Variants in TENM3 observed in about 807,000 individuals in gnomAD.
TENM3 encodes teneurin transmembrane protein 3.
Under a neutral mutation model 255.1 loss-of-function variants are expected in TENM3, and 63 were observed. That is an observed-to-expected ratio of 0.25 (90% confidence interval 0.20 to 0.30). The LOEUF is 0.30. Ranked by LOEUF, TENM3 falls within the 10% of genes least tolerant of loss-of-function variation. The probability of loss-of-function intolerance (pLI) is 1.00; values close to 1 mark genes in which losing one functional copy is unlikely to be tolerated. For synonymous variants in TENM3, 1,306 were observed against 1,322.3 expected, an observed-to-expected ratio of 0.99 and a Z score of 0.27; for missense variants, 2,929 against 3,461.1, an observed-to-expected ratio of 0.85 and a Z score of 3.86.
At chr4:182,328,228 G>A (rs1163216781) in intron 2 of TENM3, among the ~76,000 whole-genome samples, 8 of 151,942 alleles carry the variant, frequency 5.3e-5, no homozygotes, top group African/African-American at 1.5e-4. Context: ...TTTTGTTTTT[G>A]TTTTTGAGAT....
the TENM3 span, among the ~76,000 whole-genome samples, chr4:181,914,814 C>G: frequency 4.6e-5 from 7 of 152,086 alleles, no homozygotes; most frequent in Admixed American, 2.0e-4. Context: ...GACAAATTGT[C>G]AACTGAACCA....
In TENM3 at chr4:182,502,815, T is replaced by C. The variant is rs77933118; in HGVS notation, c.512-98109T>C. Among the ~76,000 whole-genome samples, 314 of 152,080 alleles carry C rather than the reference T, an allele frequency of 2.1e-3. 1 individual carries two copies. Among genetic ancestry groups the C allele is most frequent in the African/African-American group, 7.1e-3 (296 of 41,520 alleles). ...TCCTTGGTTATTCATGTGTATTAAA[T>C]TGTGGGATGCTAAGGGTTAATTTGT... is the stretch of plus-strand genomic sequence containing the variant. On this transcript the variant is annotated intron_variant, in intron 3 of 27. Coordinates refer to ENST00000511685, the MANE Select transcript of TENM3 (RefSeq NM_001080477.4).
the TENM3 span, among the ~76,000 whole-genome samples, chr4:181,950,377 A>G: frequency 6.6e-6 from 1 of 152,158 alleles, no homozygotes; most frequent in Non-Finnish European, 1.5e-5. Context: ...TGTTGCTCAC[A>G]CAAAGCCTGT....
At chr4:182,234,282 C>T (rs1756759820) in intron 1 of TENM3, among the ~76,000 whole-genome samples, 1 of 152,134 alleles carries the variant, frequency 6.6e-6, no homozygotes, top group South Asian at 2.1e-4. Flanking sequence ...AGGGAATAGT[C>T]GTACAGAGCA....
intron 1 of TENM3, among the ~76,000 whole-genome samples, chr4:182,182,034 T>C (rs1206376190): frequency 6.6e-6 from 1 of 152,152 alleles, no homozygotes; most frequent in Non-Finnish European, 1.5e-5. Context: ...TATAAGGAAA[T>C]TCTAGCATGC....
chr4:182,587,936 T>G (rs1264950071), intron 3 of TENM3, among the ~76,000 whole-genome samples: 1 of 152,100 alleles, frequency 6.6e-6, no homozygotes, highest in Non-Finnish European at 1.5e-5. Flanking sequence ...TATAAGATAG[T>G]ATGGTAGGGT....
chr4:181,691,843 T>G, the TENM3 span, among the ~76,000 whole-genome samples: 3 of 152,190 alleles, frequency 2.0e-5, no homozygotes, highest in African/African-American at 7.2e-5. Flanking sequence ...CTTTTCTGTC[T>G]TTCCCCACCC....
chr4:182,292,279 TG>T (rs1761179465), intron 1 of TENM3, among the ~76,000 whole-genome samples: 1 of 152,184 alleles, frequency 6.6e-6, no homozygotes, highest in Non-Finnish European at 1.5e-5. Context: ...GCCCCATGAT[TG>T]GGGTGATGTT....
intron 1 of TENM3, among the ~76,000 whole-genome samples, chr4:182,286,440 C>G (rs1760732799): frequency 6.6e-6 from 1 of 152,226 alleles, no homozygotes; most frequent in Admixed American, 6.5e-5. Flanking sequence ...CATACCCCTT[C>G]TTTGGTTTTC....
At chr4:182,227,506 G>A (rs866806077) in intron 1 of TENM3, among the ~76,000 whole-genome samples, 6 of 152,254 alleles carry the variant, frequency 3.9e-5, no homozygotes, top group Middle Eastern at 3.4e-3. Context: ...TTCCCAAACC[G>A]TAGGCGTCAG....
chr4:182,626,322 A>T (rs1332597298), intron 4 of TENM3, among the ~76,000 whole-genome samples: 2 of 152,222 alleles, frequency 1.3e-5, no homozygotes, highest in Non-Finnish European at 2.9e-5. Flanking sequence ...TTACATTTTG[A>T]ATTGGCATTT....
At chr4:182,163,450 G>A (rs901515777) in intron 1 of TENM3, among the ~76,000 whole-genome samples, 6 of 152,182 alleles carry the variant, frequency 3.9e-5, no homozygotes, top group African/African-American at 1.4e-4. Flanking sequence ...TTCCAAGCAC[G>A]AGGCGAGTCT....
the TENM3 span, among the ~76,000 whole-genome samples, chr4:181,960,258 T>A: frequency 2.1e-3 from 316 of 152,356 alleles, 1 homozygote; most frequent in Non-Finnish European, 3.5e-3. Flanking sequence ...AAAATGTTCC[T>A]GTTGATGGTA....
At chr4:181,499,663 C>G in the TENM3 span, among the ~76,000 whole-genome samples, 12 of 152,144 alleles carry the variant, frequency 7.9e-5, no homozygotes, top group East Asian at 2.3e-3. Flanking sequence ...TCACAGTGAC[C>G]CACAAGAAAT....
the TENM3 span, among the ~76,000 whole-genome samples, chr4:181,977,641 C>T: frequency 4.6e-5 from 7 of 152,268 alleles, no homozygotes; most frequent in East Asian, 1.4e-3. Flanking sequence ...GAGGCCTAGA[C>T]CCCTGGGTCT....
the TENM3 span, among the ~76,000 whole-genome samples, chr4:181,739,855 C>A: frequency 2.0e-5 from 3 of 152,086 alleles, no homozygotes; most frequent in African/African-American, 7.2e-5. Flanking sequence ...TAATCGCATT[C>A]TCTTCACAAT....
rs528511385 is a variant in TENM3 at position 182,193,435 on chromosome 4, C to G, written c.-76+48681C>G. Among the ~76,000 whole-genome samples the G allele has an allele frequency of 3.9e-5, 6 of 152,258 alleles. 1 individual carries two copies. The South Asian group carries it at 1.2e-3, about 31-fold the overall frequency. On this transcript the variant is annotated intron_variant, in intron 1 of 2. Coordinates refer to the TENM3 transcript ENST00000512480. ...GACTGCGAGCCTCTCTAATTCTTTC[C>G]AGTCTTTACATTTATTGGTTCTTTT...
the TENM3 span, among the ~76,000 whole-genome samples, chr4:181,726,780 C>T: frequency 6.6e-6 from 1 of 152,160 alleles, no homozygotes; most frequent in African/African-American, 2.4e-5. Flanking sequence ...TCCCAAAGAT[C>T]ACCCCCCACT....
chr4:181,585,245 A>G, the TENM3 span, among the ~76,000 whole-genome samples: 2 of 152,216 alleles, frequency 1.3e-5, no homozygotes, highest in Non-Finnish European at 2.9e-5. Context: ...ATTATAATTT[A>G]CAGTTCTCAA....
Sources: gnomAD v4.1 joint callset for allele counts (sites outside exome capture counted in the v4.1 genomes callset) on GRCh38, gnomAD v4.1.1 for gene constraint, MANE v1.5 for transcripts, NCBI Gene and HGNC (gene_info 2026-07-23, HGNC 2026-07-21) for gene names.